HS3ST2: variants seen among roughly 807,000 people sequenced by gnomAD.
HS3ST2 encodes the protein heparan sulfate-glucosamine 3-sulfotransferase 2.
HS3ST2 carries 17 observed loss-of-function variants against 26.3 expected under a neutral mutation model. The ratio of observed to expected loss-of-function variants is 0.65; its 90% CI spans 0.44 to 0.97. The LOEUF is 0.97. Among genes scored for constraint, HS3ST2 ranks in the 50% least tolerant of loss-of-function variants. The pLI, the probability that HS3ST2 is intolerant of heterozygous loss-of-function variation, is 0.00. For missense variants in HS3ST2, 402 were observed against 501.2 expected, an observed-to-expected ratio of 0.80 and a Z score of 1.89; for synonymous variants, 237 against 219.2, an observed-to-expected ratio of 1.08 and a Z score of -0.72.
At chr16:22,897,095 C>T (rs1294240431) in intron 1 of HS3ST2, among the ~76,000 whole-genome samples, 1 of 152,248 alleles carries the variant, frequency 6.6e-6, no homozygotes, top group Non-Finnish European at 1.5e-5. Flanking sequence ...AGGCGTGTGC[C>T]ACCACGCTAG....
chr16:22,914,736 CAAAAAAAAA>C (rs1159639879), intron 1 of HS3ST2, among the ~76,000 whole-genome samples, 199 bp from the exon 2 acceptor site: 1,136 of 35,972 alleles, frequency 0.032, 48 homozygotes, highest in African/African-American at 0.1. Context: ...GACCTTGTCT[CAAAAAAAAA>C]AAAAAAAAAA....
chr16:22,817,348 G>C (rs1900885630), intron 1 of HS3ST2, among the ~76,000 whole-genome samples: 1 of 152,082 alleles, frequency 6.6e-6, no homozygotes, highest in Non-Finnish European at 1.5e-5. Context: ...AAAAGGCTGT[G>C]TGGTTTGTGC....
Position 22,833,162 on chromosome 16 carries a change from T to A in HS3ST2, c.485+18067T>A, listed in dbSNP as rs1901199994. The A allele has an allele frequency of 6.6e-6, 3 of 452,622 alleles. No homozygotes were observed. In the Admixed American group the frequency reaches 7.1e-5, roughly 11 times the overall value. The allele number at this position is 452,622 out of a possible 1,614,324, so 28.0% of individuals were successfully genotyped here. A position where few individuals can be genotyped will look rare whatever the true frequency, so the allele number is the denominator to read the frequency against. On this transcript the variant is annotated intron_variant, in intron 1 of 1. Coordinates refer to ENST00000261374, the MANE Select transcript of HS3ST2 (RefSeq NM_006043.2). The stretch of plus-strand genomic sequence containing the variant: ...GAGACTATGTCTATGACAGAGAGAG[T>A]AGCCATTAAAACCTGGCTGTATTGC...
intron 1 of HS3ST2, among the ~76,000 whole-genome samples, chr16:22,845,146 G>A (rs919353501): frequency 2.7e-5 from 4 of 147,544 alleles, no homozygotes; most frequent in Non-Finnish European, 4.4e-5. Context: ...GAGCCACTGC[G>A]CCTGGCCTAA....
intron 1 of HS3ST2, among the ~76,000 whole-genome samples, chr16:22,888,548 G>C (rs1223302491): frequency 2.0e-5 from 3 of 151,776 alleles, no homozygotes; most frequent in African/African-American, 7.3e-5. Flanking sequence ...CACCACACCT[G>C]GTTAATTTTT....
At position 22,886,978 on chromosome 16, in the gene HS3ST2, C is replaced by T. The variant is rs1370372481; in HGVS notation, c.486-27966C>T. 2.6e-5 allele frequency among the ~76,000 whole-genome samples: 4 copies of T among 152,266 alleles called. No individual in the cohort carries two copies. In the South Asian group the frequency reaches 6.2e-4, roughly 24 times the overall value. On this transcript the variant is annotated intron_variant, in intron 1 of 1. Transcript: ENST00000261374. ...TGTTGCCCAGGCCAGTCTCAAACTC[C>T]TGACCTCAAGTGATCCTCCTGCCTC...
At position 22,814,742 on chromosome 16, in the gene HS3ST2, G is replaced by C. The variant is rs1326755484; in HGVS notation, c.132G>C (p.Leu44=). 5.6e-6 allele frequency: 9 copies of C among 1,608,478 alleles called. No homozygotes were observed. In the African/African-American group the frequency reaches 1.1e-4, roughly 19 times the overall value. ...CYSFLCCCDD[L]GRSRLLGAPR... is the part of the protein sequence containing the mutation. Reference sequence around the variant, plus strand: ...GCTTCCTGTGCTGCTGCGACGACCTGGGTCGGAGCCGCCTCCTCGGCGCGC... The same window carrying C: ...GCTTCCTGTGCTGCTGCGACGACCTCGGTCGGAGCCGCCTCCTCGGCGCGC... The change falls in exon 1 of 2, where the codon CTG becomes CTC. Residue 44 remains leucine (L), a synonymous_variant. Transcript: ENST00000261374.
At chr16:22,816,697 A>G (rs912889813) in intron 1 of HS3ST2, among the ~76,000 whole-genome samples, 8 of 152,348 alleles carry the variant, frequency 5.3e-5, no homozygotes, top group African/African-American at 1.9e-4. Flanking sequence ...GTCTAGGTGC[A>G]TGTGGACACT....
At chr16:22,853,138 C>G (rs1017935708) in intron 1 of HS3ST2, among the ~76,000 whole-genome samples, 1 of 152,136 alleles carries the variant, frequency 6.6e-6, no homozygotes, top group Non-Finnish European at 1.5e-5. Context: ...TAACCAGTAC[C>G]CAGATCAAGG....
intron 1 of HS3ST2, among the ~76,000 whole-genome samples, chr16:22,882,617 C>T (rs1902004030): frequency 6.6e-6 from 1 of 152,116 alleles, no homozygotes; most frequent in African/African-American, 2.4e-5. Flanking sequence ...GCCTATAGTC[C>T]CAGCTACTCA....
chr16:22,860,262 G>A lies in HS3ST2; in HGVS notation c.485+45167G>A, dbSNP rs74494634. ...CAAAGGGACGTCTTACATGGCGTCC[G>A]GCAAGAGAGAGAGCTTGTGTAGGGG... On this transcript the variant is annotated intron_variant, in intron 1 of 1. Transcript: ENST00000261374. Among the ~76,000 whole-genome samples, 251 of 152,180 alleles carry A rather than the reference G, an allele frequency of 1.6e-3. 1 individual carries two copies. The highest frequency in any genetic ancestry group is 5.8e-3 in the African/African-American group (240 of 41,526).
At chr16:22,905,910 C>T (rs765350956) in intron 1 of HS3ST2, among the ~76,000 whole-genome samples, 1 of 152,160 alleles carries the variant, frequency 6.6e-6, no homozygotes, top group Non-Finnish European at 1.5e-5. Flanking sequence ...CCCAAACCCA[C>T]TGAAATTGGA....
chr16:22,887,063 T>G (rs1319927771), intron 1 of HS3ST2, among the ~76,000 whole-genome samples: 1 of 152,196 alleles, frequency 6.6e-6, no homozygotes, highest in African/African-American at 2.4e-5. Context: ...AATTCCACTT[T>G]TAAATTATGA....
At chr16:22,911,150 A>G (rs538848596) in intron 1 of HS3ST2, among the ~76,000 whole-genome samples, 5 of 152,342 alleles carry the variant, frequency 3.3e-5, no homozygotes, top group African/African-American at 1.2e-4. Flanking sequence ...TTAAGGATAT[A>G]TTTGTAAGTG....
chr16:22,867,911 G>A (rs1051012114), intron 1 of HS3ST2, among the ~76,000 whole-genome samples: 2 of 152,348 alleles, frequency 1.3e-5, no homozygotes, highest in East Asian at 1.9e-4. Context: ...TCTGATATGG[G>A]AGATTGGTAT....
Position 22,908,910 on chromosome 16 carries a change from C to T in HS3ST2, c.486-6034C>T, listed in dbSNP as rs552795631. ...GTTAAAATTCTTGGATTGCAAGCAACAAAAACCAACTCTAACTAATTTAAA... is the reference window on the plus strand; with the variant it reads ...GTTAAAATTCTTGGATTGCAAGCAATAAAAACCAACTCTAACTAATTTAAA... On this transcript the variant is annotated intron_variant, in intron 1 of 1. Transcript: ENST00000261374. Among the ~76,000 whole-genome samples the T allele has an allele frequency of 7.9e-5, 12 of 152,150 alleles. No homozygotes were observed. The South Asian group carries it at 2.3e-3, about 29-fold the overall frequency.
At chr16:22,874,981 G>A (rs1365272940) in intron 1 of HS3ST2, among the ~76,000 whole-genome samples, 1 of 152,106 alleles carries the variant, frequency 6.6e-6, no homozygotes, top group Non-Finnish European at 1.5e-5. Context: ...CCTAATAGTG[G>A]CCAGCATTGA....
At chr16:22,908,287 G>A (rs895636667) in intron 1 of HS3ST2, among the ~76,000 whole-genome samples, 4 of 152,104 alleles carry the variant, frequency 2.6e-5, no homozygotes, top group Non-Finnish European at 5.9e-5. Flanking sequence ...CAAAGATACC[G>A]ATAAAGATCT....
At chr16:22,838,285 AG>A (rs1165831789) in intron 1 of HS3ST2, among the ~76,000 whole-genome samples, 1 of 152,134 alleles carries the variant, frequency 6.6e-6, no homozygotes, top group Non-Finnish European at 1.5e-5. Context: ...TCCACGACCC[AG>A]GATTTTGAAG....
Sources: gnomAD v4.1 joint callset for allele counts (sites outside exome capture counted in the v4.1 genomes callset) on GRCh38, gnomAD v4.1.1 for gene constraint, MANE v1.5 for transcripts, NCBI Gene and HGNC (gene_info 2026-07-23, HGNC 2026-07-21) for gene names.